The following SHROOM3 variants were observed in gnomAD, a reference collection of about 807,000 sequenced individuals.
The protein encoded by SHROOM3 is protein Shroom3.
SHROOM3 carries 47 observed loss-of-function variants against 138.6 expected under a neutral mutation model. The observed-to-expected ratio is 0.34, with a 90% CI of 0.27 to 0.43. SHROOM3 has a LOEUF of 0.43. SHROOM3 is among the 20% of genes least tolerant of loss of function. SHROOM3 has a pLI of 1.00. For missense variants in SHROOM3, 2,491 were observed against 2,596.5 expected, an observed-to-expected ratio of 0.96 and a Z score of 0.88; for synonymous variants, 1,062 against 1,063.3, an observed-to-expected ratio of 1.00 and a Z score of 0.02.
At chr4:76,475,985 A>T (rs1441106676) in intron 1 of SHROOM3, among the ~76,000 whole-genome samples, 1 of 151,910 alleles carries the variant, frequency 6.6e-6, no homozygotes. Context: ...ACTGTTTTTT[A>T]AAAAAATTCT....
Position 76,563,242 on chromosome 4 carries a change from G to A in SHROOM3, c.323+7479G>A, listed in dbSNP as rs775925425. On this transcript the variant is annotated intron_variant, in intron 2 of 10. Transcript: ENST00000296043. ...AAGTTACCTGACCACATTCTCTGAT[G>A]ATTGCTCTATTTAATGGCACTGATT... Among the ~76,000 whole-genome samples, 5 of 152,296 alleles carry A rather than the reference G, an allele frequency of 3.3e-5. 1 individual carries two copies. The highest frequency in any genetic ancestry group is 6.8e-3 in the Middle Eastern group (2 of 294).
rs188714140 is a variant in SHROOM3 at position 76,456,798 on chromosome 4, C to T, written c.168+20578C>T. On this transcript the variant is annotated intron_variant, in intron 1 of 10. Coordinates refer to ENST00000296043, the MANE Select transcript of SHROOM3 (RefSeq NM_020859.4). ...CACCTGGGTGCAGGCGGGCTGAGTC[C>T]GAAAAGAGAGTCAGCAAAGGGTGGT... is the stretch of plus-strand genomic sequence containing the variant. Among the ~76,000 whole-genome samples, 913 of 152,138 alleles carry T rather than the reference C, an allele frequency of 6.0e-3. 5 individuals are homozygous for T. Among genetic ancestry groups the T allele is most frequent in the Non-Finnish European group, 7.1e-3 (484 of 67,994 alleles).
intron 1 of SHROOM3, among the ~76,000 whole-genome samples, chr4:76,461,335 T>C (rs1174107875): frequency 6.6e-6 from 1 of 152,206 alleles, no homozygotes; most frequent in Non-Finnish European, 1.5e-5. Context: ...ATCAATCATA[T>C]AAAAGACATC....
In SHROOM3 at chr4:76,646,225, A is replaced by AATATATATATAT. The variant is rs371944513; in HGVS notation, c.324-63919_324-63908dup. Among the ~76,000 whole-genome samples the AATATATATATAT allele has an allele frequency of 2.1e-3, 199 of 96,222 alleles. 3 individuals are homozygous for AATATATATATAT. Among genetic ancestry groups the AATATATATATAT allele is most frequent in the African/African-American group, 7.3e-3 (166 of 22,698 alleles). The allele number at this position is 96,222 out of a possible 152,430, so 63.1% of individuals were successfully genotyped here. A position where few individuals can be genotyped will look rare whatever the true frequency, so the allele number is the denominator to read the frequency against. ...CCTAGAACTTAAAGTATAATAAATA[A>AATATATATATAT]ATATATATATATATATATATATAAA... On this transcript the variant is annotated intron_variant, in intron 2 of 10. Coordinates refer to ENST00000296043, the MANE Select transcript of SHROOM3 (RefSeq NM_020859.4).
At chr4:76,737,536 A>C (rs1387290224) in intron 4 of SHROOM3, among the ~76,000 whole-genome samples, 1 of 152,154 alleles carries the variant, frequency 6.6e-6, no homozygotes, top group Non-Finnish European at 1.5e-5. Context: ...GCCATTTTGC[A>C]TTACCACCTG....
intron 1 of SHROOM3, among the ~76,000 whole-genome samples, chr4:76,501,124 C>T (rs1732083616): frequency 6.6e-6 from 1 of 152,012 alleles, no homozygotes; most frequent in African/African-American, 2.4e-5. Context: ...GGCCTTTTTG[C>T]CCATTTTTAA....
chr4:76,485,386 T>C (rs1313548925), intron 1 of SHROOM3, among the ~76,000 whole-genome samples: 1 of 152,254 alleles, frequency 6.6e-6, no homozygotes, highest in Non-Finnish European at 1.5e-5. Flanking sequence ...AAGAGTTATA[T>C]GTTTAGTTGC....
At chr4:76,568,064 G>C (rs1733764890) in intron 2 of SHROOM3, among the ~76,000 whole-genome samples, 1 of 151,826 alleles carries the variant, frequency 6.6e-6, no homozygotes, top group Admixed American at 6.6e-5. Flanking sequence ...TTTTTTACCT[G>C]TCTCTCTGTC....
chr4:76,630,633 C>T (rs1280387041), intron 2 of SHROOM3, among the ~76,000 whole-genome samples: 1 of 152,040 alleles, frequency 6.6e-6, no homozygotes, highest in Non-Finnish European at 1.5e-5. Flanking sequence ...TCCATTCAAT[C>T]AGTCACAAAA....
intron 2 of SHROOM3, among the ~76,000 whole-genome samples, chr4:76,708,702 G>A (rs1404573680): frequency 6.6e-6 from 1 of 152,192 alleles, no homozygotes; most frequent in Non-Finnish European, 1.5e-5. Flanking sequence ...CTGAGGTACA[G>A]AGAAGACAAA....
intron 10 of SHROOM3, among the ~76,000 whole-genome samples, chr4:76,772,717 G>A (rs1722406246): frequency 6.6e-6 from 1 of 152,132 alleles, no homozygotes; most frequent in Non-Finnish European, 1.5e-5. Context: ...TCAAATATGA[G>A]GTGCTGTGTC....
chr4:76,506,013 G>A (rs900885598), intron 1 of SHROOM3, among the ~76,000 whole-genome samples: 2 of 152,082 alleles, frequency 1.3e-5, no homozygotes, highest in Admixed American at 1.3e-4. Context: ...AAAAAATGTG[G>A]CACATATACA....
At chr4:76,574,796 A>G (rs962200144) in intron 2 of SHROOM3, among the ~76,000 whole-genome samples, 2 of 152,246 alleles carry the variant, frequency 1.3e-5, no homozygotes, top group African/African-American at 4.8e-5. Flanking sequence ...CAAAAAATGT[A>G]GAATGGCAGT....
chr4:76,641,810 G>A (rs1228297440), intron 2 of SHROOM3, among the ~76,000 whole-genome samples: 1 of 152,144 alleles, frequency 6.6e-6, no homozygotes, highest in African/African-American at 2.4e-5. Flanking sequence ...TTAGATTACT[G>A]TCCCCGACCA....
chr4:76,520,566 T>C lies in SHROOM3; in HGVS notation c.169-35043T>C, dbSNP rs1579209226. ...AGATTAGATAATGTGCTCAAAGTTA[T>C]ACAGCTAGTGAGTAACAAAGCCTAA... On this transcript the variant is annotated intron_variant, in intron 1 of 10. Transcript: ENST00000296043. Among the ~76,000 whole-genome samples the C allele has an allele frequency of 3.9e-5, 6 of 152,188 alleles. No homozygotes were observed. In the South Asian group the frequency reaches 1.2e-3, roughly 32 times the overall value.
intron 2 of SHROOM3, among the ~76,000 whole-genome samples, chr4:76,605,804 C>T (rs1157658094): frequency 6.6e-6 from 1 of 150,834 alleles, no homozygotes; most frequent in East Asian, 1.9e-4. Flanking sequence ...CCTTAAAGAC[C>T]CTTGGTAGAA....
intron 6 of SHROOM3, among the ~76,000 whole-genome samples, chr4:76,752,378 A>T (rs1340245547): frequency 6.6e-6 from 1 of 152,234 alleles, no homozygotes; most frequent in Non-Finnish European, 1.5e-5. Context: ...TCTGTTTCAC[A>T]ACAGTGTGAA....
At position 76,770,748 on chromosome 4, in the gene SHROOM3, G is replaced by A. The variant is rs1300390042; in HGVS notation, c.5472G>A (p.Glu1824=). ...LGEEVEALIS[E]LCKPNEFDKY... ...AAGAGGTGGAGGCTCTGATCAGCGA[G>A]CTCTGCAAGCCCAATGAGTTTGACA... is the stretch of plus-strand genomic sequence containing the variant. The change falls in exon 10 of 11, where the codon GAG becomes GAA. Residue 1824 remains glutamate, a synonymous_variant. Coordinates refer to ENST00000296043, the MANE Select transcript of SHROOM3 (RefSeq NM_020859.4). 6.2e-7 allele frequency: 1 copy of A among 1,614,202 alleles called. No individual in the cohort carries two copies. Among genetic ancestry groups the A allele is most frequent in the Non-Finnish European group, 8.5e-7 (1 of 1,180,044 alleles).
intron 2 of SHROOM3, among the ~76,000 whole-genome samples, chr4:76,633,214 A>G (rs1216889750): frequency 6.6e-6 from 1 of 151,402 alleles, no homozygotes; most frequent in African/African-American, 2.4e-5. Flanking sequence ...GGTGGCACAC[A>G]TCCGTAGTCC....
Sources: allele counts gnomAD v4.1 joint callset (sites outside exome capture counted in the v4.1 genomes callset), GRCh38; gene constraint gnomAD v4.1.1; transcripts MANE v1.5; gene names NCBI Gene and HGNC (gene_info 2026-07-23, HGNC 2026-07-21).